NOL4: variants seen among roughly 807,000 people sequenced by gnomAD.
The protein encoded by NOL4 is cancer/testis antigen 125.
In NOL4, 17 loss-of-function variants were observed where a neutral mutation model predicts 75.9. That is an observed-to-expected ratio of 0.22 (90% confidence interval 0.15 to 0.34). The LOEUF is 0.34. Ranked by LOEUF, NOL4 falls within the 10% of genes least tolerant of loss-of-function variation. The pLI is 1.00. For synonymous variants in NOL4, 292 were observed against 289.9 expected (o/e 1.01, Z -0.07); for missense variants, 614 against 793.5 (o/e 0.77, Z 2.72).
At chr18:33,979,117 T>C (rs2145958762) in intron 6 of NOL4, among the ~76,000 whole-genome samples, 1 of 152,224 alleles carries the variant, frequency 6.6e-6, no homozygotes, top group East Asian at 1.9e-4. Flanking sequence ...TTGTAGAGCT[T>C]TGGTTTTTAA....
intron 1 of NOL4, among the ~76,000 whole-genome samples, chr18:34,155,543 T>C (rs2030220745): frequency 6.6e-6 from 1 of 152,062 alleles, no homozygotes; most frequent in Non-Finnish European, 1.5e-5. Flanking sequence ...TGGCATAGAC[T>C]ACTACACACC....
intron 1 of NOL4, among the ~76,000 whole-genome samples, chr18:34,195,095 T>C (rs1314654025): frequency 6.6e-6 from 1 of 152,000 alleles, no homozygotes. Context: ...TGAATATCTT[T>C]TTAAGAGCTA....
At chr18:34,155,667 G>C (rs981999854) in intron 1 of NOL4, among the ~76,000 whole-genome samples, 4 of 151,930 alleles carry the variant, frequency 2.6e-5, no homozygotes, top group African/African-American at 9.7e-5. Context: ...TATAGAAAAG[G>C]TATGTAAAAT....
chr18:33,862,323 G>A (rs932124773), intron 10 of NOL4, among the ~76,000 whole-genome samples: 1 of 152,218 alleles, frequency 6.6e-6, no homozygotes, highest in East Asian at 1.9e-4. Flanking sequence ...AACCCTAGAA[G>A]AAAACACAGG....
intron 5 of NOL4, among the ~76,000 whole-genome samples, chr18:34,045,200 A>C (rs1224197108): frequency 6.6e-6 from 1 of 152,192 alleles, no homozygotes; most frequent in Non-Finnish European, 1.5e-5. Flanking sequence ...GGCATGAGCC[A>C]CTGCCTGCCG....
chr18:33,873,505 C>T (rs955477399), intron 10 of NOL4, among the ~76,000 whole-genome samples: 5 of 151,974 alleles, frequency 3.3e-5, no homozygotes, highest in African/African-American at 9.7e-5. Flanking sequence ...TTCTCTAAAA[C>T]GTTTGATATG....
chr18:33,873,380 A>G (rs934075864), intron 10 of NOL4, among the ~76,000 whole-genome samples: 1 of 151,986 alleles, frequency 6.6e-6, no homozygotes, highest in Non-Finnish European at 1.5e-5. Context: ...GTGTAAGCTA[A>G]AGAAGAAAAG....
chr18:34,066,813 A>C (rs1363298669), intron 5 of NOL4, among the ~76,000 whole-genome samples: 3 of 151,910 alleles, frequency 2.0e-5, no homozygotes, highest in Non-Finnish European at 4.4e-5. Context: ...CCAAAACTCT[A>C]TATATAATTA....
intron 9 of NOL4, among the ~76,000 whole-genome samples, chr18:33,925,419 A>G (rs2067267704): frequency 6.6e-6 from 1 of 152,198 alleles, no homozygotes; most frequent in South Asian, 2.1e-4. Flanking sequence ...AAAAAGATTT[A>G]AAGAAACCCA....
At chr18:34,070,377 T>C (rs2077462747) in intron 5 of NOL4, among the ~76,000 whole-genome samples, 1 of 152,220 alleles carries the variant, frequency 6.6e-6, no homozygotes, top group Non-Finnish European at 1.5e-5. Flanking sequence ...TTTCAGTCTC[T>C]GACAAATGAA....
chr18:34,137,798 ACACACACACACGCACG>A (rs1217532821), intron 1 of NOL4, among the ~76,000 whole-genome samples: 5 of 151,738 alleles, frequency 3.3e-5, no homozygotes, highest in Non-Finnish European at 4.4e-5. Flanking sequence ...ACACACACAC[ACACACACACACGCACG>A]CACACATACA....
intron 8 of NOL4, among the ~76,000 whole-genome samples, chr18:33,950,165 G>T (rs2069115354): frequency 6.6e-6 from 1 of 151,278 alleles, no homozygotes; most frequent in South Asian, 2.1e-4. Flanking sequence ...TTGTTAAATA[G>T]ATTTAAATTT....
At chr18:33,919,157 G>A (rs892176356) in intron 9 of NOL4, among the ~76,000 whole-genome samples, 1 of 152,166 alleles carries the variant, frequency 6.6e-6, no homozygotes, top group Non-Finnish European at 1.5e-5. Context: ...AAGACCTAAT[G>A]AGCGTGTCAT....
intron 10 of NOL4, among the ~76,000 whole-genome samples, chr18:33,882,090 A>G (rs902851614): frequency 2.0e-5 from 3 of 152,318 alleles, no homozygotes; most frequent in Middle Eastern, 3.4e-3. Context: ...TAGACCTAAA[A>G]CCATAAAAAC....
intron 1 of NOL4, among the ~76,000 whole-genome samples, chr18:34,217,758 G>GTGTATA (rs569301028): frequency 3.3e-4 from 50 of 151,860 alleles, no homozygotes; most frequent in South Asian, 1.9e-3. Context: ...GTGTATGTGT[G>GTGTATA]TGTATATGTA....
At chr18:34,064,935 AC>A (rs75341129) in intron 5 of NOL4, among the ~76,000 whole-genome samples, 57,840 of 151,364 alleles carry the variant, frequency 0.38, 11,520 homozygotes, top group South Asian at 0.53. Flanking sequence ...ACACACACAC[AC>A]ACACACACAC....
chr18:34,053,685 G>A (rs562466363), intron 5 of NOL4, among the ~76,000 whole-genome samples: 39 of 151,954 alleles, frequency 2.6e-4, no homozygotes, highest in African/African-American at 9.2e-4. Context: ...ATAGGAAACA[G>A]ATAAATGGTA....
At chr18:34,193,032 T>G (rs1453381359) in intron 1 of NOL4, among the ~76,000 whole-genome samples, 1 of 152,146 alleles carries the variant, frequency 6.6e-6, no homozygotes, top group Non-Finnish European at 1.5e-5. Context: ...TTTCTAGTCT[T>G]TATAAACTAC....
At chr18:33,940,549 G>A (rs2068402826) in intron 9 of NOL4, among the ~76,000 whole-genome samples, 1 of 151,924 alleles carries the variant, frequency 6.6e-6, no homozygotes. Flanking sequence ...GGCCTGTCGG[G>A]GAGTAGGAGG....
Sources: allele counts gnomAD v4.1 joint callset (sites outside exome capture counted in the v4.1 genomes callset), GRCh38; gene constraint gnomAD v4.1.1; transcripts MANE v1.5; gene names NCBI Gene and HGNC (gene_info 2026-07-23, HGNC 2026-07-21).